The following MAML3 variants were observed in gnomAD, a reference collection of about 807,000 sequenced individuals.
MAML3 encodes the protein mastermind like transcriptional coactivator 3, also known as mastermind-like protein 3.
MAML3 carries 27 observed loss-of-function variants against 101.9 expected under a neutral mutation model. That is an observed-to-expected ratio of 0.27 (90% confidence interval 0.20 to 0.37). The LOEUF is 0.37. Among genes scored for constraint, MAML3 ranks in the 10% least tolerant of loss-of-function variants. MAML3 has a pLI of 1.00. For synonymous variants in MAML3, 501 were observed against 555.9 expected, an observed-to-expected ratio of 0.90 and a Z score of 1.39; for missense variants, 1,316 against 1,444.9, an observed-to-expected ratio of 0.91 and a Z score of 1.45.
At chr4:140,077,472 A>G (rs1395330097) in intron 1 of MAML3, among the ~76,000 whole-genome samples, 1 of 152,154 alleles carries the variant, frequency 6.6e-6, no homozygotes, top group Non-Finnish European at 1.5e-5. Context: ...TCTCAATACA[A>G]CATTGAATTT....
At chr4:140,042,254 T>C (rs747032240) in intron 1 of MAML3, among the ~76,000 whole-genome samples, 5 of 152,180 alleles carry the variant, frequency 3.3e-5, no homozygotes, top group Non-Finnish European at 5.9e-5. Flanking sequence ...CTTTAAAGGC[T>C]GCTGGCAGAG....
intron 2 of MAML3, among the ~76,000 whole-genome samples, chr4:139,732,350 A>G (rs1170891819): frequency 1.3e-5 from 2 of 152,076 alleles, no homozygotes; most frequent in Non-Finnish European, 2.9e-5. Flanking sequence ...CTGTAGAACC[A>G]TGCAGGCTTC....
chr4:139,950,668 G>A (rs1298796949), intron 1 of MAML3, among the ~76,000 whole-genome samples: 4 of 152,116 alleles, frequency 2.6e-5, no homozygotes, highest in South Asian at 2.1e-4. Flanking sequence ...ACATTCTCCC[G>A]GGTTTGACTG....
intron 1 of MAML3, among the ~76,000 whole-genome samples, chr4:139,894,325 A>G (rs752259009): frequency 2.0e-5 from 3 of 152,110 alleles, no homozygotes; most frequent in South Asian, 4.1e-4. Flanking sequence ...CCTGGCCAAC[A>G]CGGTGAAACC....
intron 1 of MAML3, among the ~76,000 whole-genome samples, chr4:139,947,414 T>C (rs1053260198): frequency 1.4e-4 from 21 of 152,188 alleles, no homozygotes; most frequent in African/African-American, 4.8e-5. Flanking sequence ...AGAGAAGCTA[T>C]ACACACATCT....
At chr4:140,151,203 GGGA>G (rs1729159219) in intron 1 of MAML3, among the ~76,000 whole-genome samples, 1 of 152,056 alleles carries the variant, frequency 6.6e-6, no homozygotes, top group African/African-American at 2.4e-5. Context: ...GGAGGAGGAA[GGGA>G]GGAGGAAGGG....
At chr4:139,810,509 T>C (rs566476660) in intron 2 of MAML3, among the ~76,000 whole-genome samples, 1 of 152,178 alleles carries the variant, frequency 6.6e-6, no homozygotes, top group South Asian at 2.1e-4. Flanking sequence ...TTTTTATCAA[T>C]ATATATCTGT....
chr4:140,129,916 G>A (rs554967709), intron 1 of MAML3, among the ~76,000 whole-genome samples: 1 of 150,878 alleles, frequency 6.6e-6, no homozygotes, highest in Non-Finnish European at 1.5e-5. Context: ...AGTGAGCCAA[G>A]ATTGTGCCAC....
intron 2 of MAML3, among the ~76,000 whole-genome samples, chr4:139,787,846 C>G (rs1302047034): frequency 1.3e-5 from 2 of 152,194 alleles, no homozygotes; most frequent in African/African-American, 4.8e-5. Flanking sequence ...ACCCAATCCC[C>G]TAGTTTGTTT....
chr4:139,825,564 G>A (rs1339223955), intron 2 of MAML3, among the ~76,000 whole-genome samples: 5 of 152,156 alleles, frequency 3.3e-5, no homozygotes, highest in Non-Finnish European at 7.3e-5. Context: ...AGGAGGCAGA[G>A]CCTACCCTCG....
At chr4:140,152,455 A>C (rs913716236) in intron 1 of MAML3, among the ~76,000 whole-genome samples, 9 of 151,144 alleles carry the variant, frequency 6.0e-5, no homozygotes, top group Non-Finnish European at 8.8e-5. Context: ...TGGGGAGGCG[A>C]GGCGGCGCGG....
At chr4:140,107,165 C>G (rs1257894709) in intron 1 of MAML3, among the ~76,000 whole-genome samples, 1 of 151,988 alleles carries the variant, frequency 6.6e-6, no homozygotes, top group Non-Finnish European at 1.5e-5. Context: ...GCCACTGCGC[C>G]CAGCCAAAGA....
intron 2 of MAML3, among the ~76,000 whole-genome samples, chr4:139,868,496 C>T (rs865816741): frequency 1.3e-4 from 20 of 152,236 alleles, no homozygotes; most frequent in African/African-American, 3.6e-4. Flanking sequence ...CAGTTTTACA[C>T]GGAAGTTAAG....
intron 4 of MAML3, among the ~76,000 whole-genome samples, chr4:139,721,710 C>T (rs1413910228): frequency 1.3e-5 from 2 of 151,966 alleles, no homozygotes; most frequent in Admixed American, 6.6e-5. Context: ...AAAAATGAAA[C>T]GATTTCTATC....
chr4:140,026,119 C>T (rs1434548091), intron 1 of MAML3, among the ~76,000 whole-genome samples: 2 of 151,422 alleles, frequency 1.3e-5, no homozygotes, highest in Admixed American at 6.6e-5. Context: ...ATTTTTTTTT[C>T]CAAGAAAATA....
At chr4:140,131,722 C>T (rs1728797517) in intron 1 of MAML3, among the ~76,000 whole-genome samples, 1 of 152,202 alleles carries the variant, frequency 6.6e-6, no homozygotes, top group Admixed American at 6.5e-5. Context: ...ATCTCCATGT[C>T]CAAGTTCAGG....
chr4:139,902,303 G>A (rs558503393), intron 1 of MAML3, among the ~76,000 whole-genome samples: 1 of 151,994 alleles, frequency 6.6e-6, no homozygotes, highest in East Asian at 1.9e-4. Flanking sequence ...CTCAATGAGC[G>A]AGCAAACAGG....
intron 2 of MAML3, among the ~76,000 whole-genome samples, chr4:139,757,015 C>T (rs1018909669): frequency 1.3e-5 from 2 of 152,184 alleles, no homozygotes; most frequent in African/African-American, 4.8e-5. Flanking sequence ...GCCCACTGCG[C>T]TCTGGTCTCA....
At chr4:139,863,340 G>GT (rs1731822369) in intron 2 of MAML3, among the ~76,000 whole-genome samples, 1 of 120,428 alleles carries the variant, frequency 8.3e-6, no homozygotes, top group South Asian at 3.3e-4. Flanking sequence ...TTTTTCCTGT[G>GT]CCCTTTTTTT....
Sources: allele counts gnomAD v4.1 joint callset (sites outside exome capture counted in the v4.1 genomes callset), GRCh38; gene constraint gnomAD v4.1.1; transcripts MANE v1.5; gene names NCBI Gene and HGNC (gene_info 2026-07-23, HGNC 2026-07-21).